Variants in PGC observed in about 807,000 individuals in gnomAD.
PGC encodes progastricsin.
In PGC, 31 loss-of-function variants were observed where a neutral mutation model predicts 45.9. The observed-to-expected ratio is 0.67, with a 90% CI of 0.51 to 0.91. PGC has a LOEUF of 0.91. Ranked by LOEUF, PGC falls within the 40% of genes least tolerant of loss-of-function variation. The pLI, the probability that PGC is intolerant of heterozygous loss-of-function variation, is 0.00. For missense variants in PGC, 477 were observed against 493.2 expected, an observed-to-expected ratio of 0.97 and a Z score of 0.31; for synonymous variants, 192 against 201.8, an observed-to-expected ratio of 0.95 and a Z score of 0.41.
intron 7 of PGC, among the ~76,000 whole-genome samples, chr6:41,738,165 TGC>T (rs759214407): frequency 0.067 from 4,927 of 73,126 alleles, 355 homozygotes; most frequent in Admixed American, 0.086. Flanking sequence ...TACATATATA[TGC>T]ATATATATAT....
At chr6:41,741,652 A>C in intron 5 of PGC, 1 of 653,176 alleles carries the variant, frequency 1.5e-6, no homozygotes, top group Non-Finnish European at 2.7e-6. Flanking sequence ...TCTCAAAAAA[A>C]CAAAACAAAA....
intron 6 of PGC, 32 bp from the exon 7 acceptor site, chr6:41,739,978 C>T (rs753814762): frequency 6.2e-7 from 1 of 1,606,796 alleles, no homozygotes; most frequent in South Asian, 1.1e-5. Flanking sequence ...AGCCTCAGGA[C>T]TCCCCCAGTT....
chr6:41,746,154 T>A (rs1051907073), intron 1 of PGC, among the ~76,000 whole-genome samples: 1 of 145,520 alleles, frequency 6.9e-6, no homozygotes, highest in Non-Finnish European at 1.5e-5. Context: ...AAGAGCGAAG[T>A]TCTGTTTCAA....
At chr6:41,738,997 C>T (rs959444511) in intron 7 of PGC, among the ~76,000 whole-genome samples, 1 of 151,904 alleles carries the variant, frequency 6.6e-6, no homozygotes, top group Non-Finnish European at 1.5e-5. Context: ...AAAAGAAAAA[C>T]ACAGATCTGC....
intron 7 of PGC, among the ~76,000 whole-genome samples, chr6:41,738,228 ATATATATATGTATATATATATG>A (rs1771749466): frequency 4.8e-5 from 1 of 20,986 alleles, no homozygotes; most frequent in African/African-American, 1.4e-4. Flanking sequence ...ATATATATGC[ATATATATATGTATATATATATG>A]CATATATATA....
At chr6:41,738,938 C>T (rs1167799527) in intron 7 of PGC, among the ~76,000 whole-genome samples, 2 of 151,424 alleles carry the variant, frequency 1.3e-5, no homozygotes, top group Admixed American at 6.6e-5. Context: ...CCAGCCTGGG[C>T]GACAGAGAGA....
rs1561879686 is a variant in PGC at position 41,738,166 on chromosome 6, G to GCATATATATA, written c.916-348_916-339dup. On this transcript the variant is annotated intron_variant, in intron 7 of 8. Coordinates refer to ENST00000373025, the MANE Select transcript of PGC (RefSeq NM_002630.4). ...TATGCATATATATATACATATATAT[G>GCATATATATA]CATATATATATACATATATATATGC... Among the ~76,000 whole-genome samples the GCATATATATA allele has an allele frequency of 7.9e-4, 15 of 19,066 alleles. 1 individual carries two copies. Among genetic ancestry groups the GCATATATATA allele is most frequent in the Non-Finnish European group, 1.3e-3 (11 of 8,254 alleles). 12.5% of individuals were successfully genotyped at this position (19,066 alleles called of 152,430 possible).
rs369417710 is a variant in PGC at position 41,738,217 on chromosome 6, T to C, written c.916-389A>G. On this transcript the variant is annotated intron_variant, in intron 7 of 8. Coordinates refer to ENST00000373025, the MANE Select transcript of PGC (RefSeq NM_002630.4). ...ATATATATATGCATATATATATGCA[T>C]ATATATATGCATATATATATGTATA... 2.7e-3 allele frequency among the ~76,000 whole-genome samples: 92 copies of C among 33,558 alleles called. 2 individuals are homozygous for C. The highest frequency in any genetic ancestry group is 4.2e-3 in the Non-Finnish European group (65 of 15,598). The allele number at this position is 33,558 out of a possible 152,430, so 22.0% of individuals were successfully genotyped here.
intron 7 of PGC, among the ~76,000 whole-genome samples, chr6:41,739,563 C>T (rs922591366): frequency 2.0e-5 from 3 of 152,114 alleles, no homozygotes; most frequent in Non-Finnish European, 4.4e-5. Context: ...GAACTACAGG[C>T]GCATGCCACC....
At chr6:41,741,645 C>CA (rs1473077092) in intron 5 of PGC, 5 of 647,500 alleles carry the variant, frequency 7.7e-6, no homozygotes, top group African/African-American at 1.8e-5. Flanking sequence ...GACCCCATCT[C>CA]AAAAAAACAA....
At position 41,736,718 on chromosome 6, in the gene PGC, G is replaced by A. The variant is rs571345145; in HGVS notation, c.*134C>T. 5.2e-6 allele frequency: 5 copies of A among 967,444 alleles called. No homozygotes were observed. In the East Asian group the frequency reaches 1.2e-4, roughly 23 times the overall value. 59.9% of individuals were successfully genotyped at this position (967,444 alleles called of 1,614,324 possible). A position where few individuals can be genotyped will look rare whatever the true frequency, so the allele number is the denominator to read the frequency against. ...ACAACAGGATGACCAACATAAAGAA[G>A]AACTATTTATTATTAGAGAAAGTCC... On this transcript the variant is annotated 3_prime_UTR_variant, in exon 9 of 9. Coordinates refer to ENST00000373025, the MANE Select transcript of PGC (RefSeq NM_002630.4).
At chr6:41,746,110 C>T (rs553144711) in intron 1 of PGC, among the ~76,000 whole-genome samples, 2 of 151,846 alleles carry the variant, frequency 1.3e-5, no homozygotes, top group Admixed American at 6.5e-5. Flanking sequence ...TTCAGTGAGC[C>T]GAGATCGCGC....
intron 5 of PGC, among the ~76,000 whole-genome samples, chr6:41,741,448 C>T (rs1443296685): frequency 6.6e-6 from 1 of 152,164 alleles, no homozygotes; most frequent in Admixed American, 6.5e-5. Flanking sequence ...GAGTTTGAGA[C>T]CAGCCTGGCC....
At chr6:41,739,295 C>T (rs1771778989) in intron 7 of PGC, among the ~76,000 whole-genome samples, 1 of 152,230 alleles carries the variant, frequency 6.6e-6, no homozygotes, top group East Asian at 1.9e-4. Flanking sequence ...TTCTCCCCTT[C>T]AGCACAAGCA....
At chr6:41,743,669 G>A (rs1771874362) in intron 3 of PGC, among the ~76,000 whole-genome samples, 1 of 152,124 alleles carries the variant, frequency 6.6e-6, no homozygotes, top group Admixed American at 6.5e-5. Flanking sequence ...TGAGTCCCTG[G>A]TCCCCAGCAA....
chr6:41,737,924 G>A (rs547458974), intron 7 of PGC, 96 bp from the exon 8 acceptor site: 38 of 728,400 alleles, frequency 5.2e-5, no homozygotes, highest in African/African-American at 4.5e-4. Flanking sequence ...CCTGAGCTCC[G>A]GGCCCAAGCC....
At position 41,747,368 on chromosome 6, in the gene PGC, C is replaced by A. The variant is rs150465971; in HGVS notation, c.-34G>T. On this transcript the variant is annotated 5_prime_UTR_variant, in exon 1 of 9. Coordinates refer to ENST00000373025, the MANE Select transcript of PGC (RefSeq NM_002630.4). The stretch of plus-strand genomic sequence containing the variant: ...TCCCCAACTGGCCACAGAGGAAGAG[C>A]AGCTCTGAGTTCTGCAGTCGCAGTG... 283 of 1,594,374 alleles carry A rather than the reference C, an allele frequency of 1.8e-4. No individual in the cohort carries two copies. In the African/African-American group the frequency reaches 3.3e-3, roughly 19 times the overall value.
At chr6:41,745,258 G>A (rs1210767312) in intron 1 of PGC, among the ~76,000 whole-genome samples, 1 of 148,448 alleles carries the variant, frequency 6.7e-6, no homozygotes, top group African/African-American at 2.5e-5. Flanking sequence ...TTTTTTTTGA[G>A]ACGCAGTTTC....
chr6:41,740,874 C>T lies in PGC; in HGVS notation c.648-264G>A, dbSNP rs1771809748. The stretch of plus-strand genomic sequence containing the variant: ...CTGTGTCTCCCTCAGACTGGGGCTC[C>T]CTGAGGATGGGGCTGTATCCCTTAG... On this transcript the variant is annotated intron_variant, in intron 5 of 8. Transcript: ENST00000373025. 4 of 1,432,004 alleles carry T rather than the reference C, an allele frequency of 2.8e-6. No homozygotes were observed. In the East Asian group the frequency reaches 1.0e-4, roughly 36 times the overall value. The allele number at this position is 1,432,004 out of a possible 1,614,324, so 88.7% of individuals were successfully genotyped here.
Sources: gnomAD v4.1 joint callset for allele counts (sites outside exome capture counted in the v4.1 genomes callset) on GRCh38, gnomAD v4.1.1 for gene constraint, MANE v1.5 for transcripts, NCBI Gene and HGNC (gene_info 2026-07-23, HGNC 2026-07-21) for gene names.